The following RAB27B variants were observed in gnomAD, a reference collection of about 807,000 sequenced individuals.
The protein encoded by RAB27B is ras-related protein Rab-27B.
Under a neutral mutation model 24.6 loss-of-function variants are expected in RAB27B, and 15 were observed. That is an observed-to-expected ratio of 0.61 (90% CI 0.41 to 0.94). The LOEUF (loss-of-function observed/expected upper bound fraction) is 0.94, where lower values mean the gene tolerates loss of function less well. Ranked by LOEUF, RAB27B falls within the 40% of genes least tolerant of loss-of-function variation. RAB27B has a pLI of 0.00. For synonymous variants in RAB27B, 105 were observed against 92.5 expected (o/e 1.14, Z -0.78); for missense variants, 261 against 266.8 (o/e 0.98, Z 0.15).
intron 2 of RAB27B, among the ~76,000 whole-genome samples, chr18:54,798,338 C>T (rs1206047140): frequency 1.3e-5 from 2 of 152,144 alleles, no homozygotes; most frequent in Admixed American, 6.5e-5. Flanking sequence ...TCATAGAGGG[C>T]GAGGGCTTGA....
chr18:54,847,515 T>C (rs1304615689), intron 1 of RAB27B, among the ~76,000 whole-genome samples: 1 of 152,228 alleles, frequency 6.6e-6, no homozygotes, highest in Non-Finnish European at 1.5e-5. Flanking sequence ...GTTAGAAGTG[T>C]TGTGTTAATT....
At chr18:54,726,027 G>A (rs1265114023) in intron 2 of RAB27B, among the ~76,000 whole-genome samples, 1 of 151,496 alleles carries the variant, frequency 6.6e-6, no homozygotes, top group Non-Finnish European at 1.5e-5. Flanking sequence ...ACCTGCAGAT[G>A]TCCTGAAAGT....
intron 3 of RAB27B, chr18:54,879,771 C>A: frequency 4.3e-6 from 1 of 232,696 alleles, no homozygotes; most frequent in East Asian, 8.9e-5. Context: ...AAATTAACGC[C>A]GTTATAAGTG....
In RAB27B at chr18:54,813,136, G is replaced by A. The variant is rs1029215553; in HGVS notation, c.-19-64431G>A. Among the ~76,000 whole-genome samples the A allele has an allele frequency of 9.2e-5, 14 of 152,206 alleles. 1 individual carries two copies. The highest frequency in any genetic ancestry group is 4.1e-4 in the South Asian group (2 of 4,820). On this transcript the variant is annotated intron_variant, in intron 2 of 4. Coordinates refer to the RAB27B transcript ENST00000586570. ...TGCTGTGGCTGGAGAATACCCCAGC[G>A]CTGAAGGGGTTTTCTTTACTCTTTT...
chr18:54,853,626 C>T (rs142661385), intron 1 of RAB27B, among the ~76,000 whole-genome samples: 2 of 152,206 alleles, frequency 1.3e-5, no homozygotes, highest in Non-Finnish European at 2.9e-5. Flanking sequence ...TCCTATTAAT[C>T]GGTATGAAGT....
chr18:54,879,747 T>G, intron 3 of RAB27B: 1 of 270,654 alleles, frequency 3.7e-6, no homozygotes, highest in South Asian at 7.4e-5. Flanking sequence ...AGAATTTAAT[T>G]GAATGAAGAT....
At chr18:54,720,608 C>A (rs1175905599) in intron 2 of RAB27B, among the ~76,000 whole-genome samples, 2 of 151,972 alleles carry the variant, frequency 1.3e-5, no homozygotes, top group Admixed American at 1.3e-4. Context: ...GAAGTATCAG[C>A]AAAATTATTC....
At chr18:54,865,517 G>T (rs1912182593) in intron 1 of RAB27B, among the ~76,000 whole-genome samples, 1 of 152,124 alleles carries the variant, frequency 6.6e-6, no homozygotes, top group Non-Finnish European at 1.5e-5. Context: ...AACCATAAAA[G>T]AGTTATTCTT....
chr18:54,825,143 A>G (rs1002253027), upstream of RAB27B, among the ~76,000 whole-genome samples: 35 of 152,218 alleles, frequency 2.3e-4, no homozygotes, highest in Non-Finnish European at 1.9e-4. Context: ...AAGGCATTCA[A>G]AGAAACTTCT....
At chr18:54,888,288 A>C in intron 5 of RAB27B, 170 bp downstream of exon 5, 1 of 642,852 alleles carries the variant, frequency 1.6e-6, no homozygotes, top group Non-Finnish European at 2.4e-6. Flanking sequence ...ACTTAATAAT[A>C]AGAGCACCTA....
At chr18:54,857,864 C>A (rs144622573) in intron 1 of RAB27B, among the ~76,000 whole-genome samples, 219 of 152,260 alleles carry the variant, frequency 1.4e-3, no homozygotes, top group African/African-American at 4.8e-3. Context: ...CCTATTTTAT[C>A]CTATTTAGAT....
At chr18:54,875,701 AACAT>A (rs1912668379) in intron 1 of RAB27B, among the ~76,000 whole-genome samples, 1 of 152,196 alleles carries the variant, frequency 6.6e-6, no homozygotes, top group African/African-American at 2.4e-5. Context: ...TCATGAAAGA[AACAT>A]ACATTCATAA....
At chr18:54,773,600 G>T (rs2145075443) in intron 2 of RAB27B, among the ~76,000 whole-genome samples, 2 of 152,190 alleles carry the variant, frequency 1.3e-5, no homozygotes, top group Middle Eastern at 3.4e-3. Context: ...ACACGAATAA[G>T]AAGGATTCTT....
At position 54,888,115 on chromosome 18, in the gene RAB27B, A is replaced by G. The variant is rs751198891; in HGVS notation, c.464A>G (p.Tyr155Cys). 1.2e-6 allele frequency: 2 copies of G among 1,612,752 alleles called. No homozygotes were observed. The highest frequency in any genetic ancestry group is 4.5e-5 in the East Asian group (2 of 44,850). Residue 155 changes from tyrosine (Y) to cysteine (C), a missense_variant, in exon 5 of 6, where the codon TAT (tyrosine) becomes TGT (cysteine). Coordinates refer to ENST00000262094, the MANE Select transcript of RAB27B (RefSeq NM_004163.4). ...ERQARELADK[Y>C]GIPYFETSAA... The stretch of plus-strand genomic sequence containing the variant: ...CAAGCTCGGGAACTGGCTGACAAAT[A>G]TGGGTAAGTCAGTTACACTGAGATG...
At chr18:54,851,468 T>C (rs1232006365) in intron 1 of RAB27B, among the ~76,000 whole-genome samples, 2 of 152,134 alleles carry the variant, frequency 1.3e-5, no homozygotes, top group Non-Finnish European at 2.9e-5. Context: ...TCTTTTCCCT[T>C]TTTTTGCACA....
At chr18:54,885,397 T>C (rs1000701396) in intron 4 of RAB27B, among the ~76,000 whole-genome samples, 2 of 152,170 alleles carry the variant, frequency 1.3e-5, no homozygotes, top group African/African-American at 4.8e-5. Context: ...ACAAGGTCAC[T>C]GTGATGATGT....
At chr18:54,864,404 T>C (rs902041489) in intron 1 of RAB27B, among the ~76,000 whole-genome samples, 9 of 152,228 alleles carry the variant, frequency 5.9e-5, no homozygotes, top group African/African-American at 2.2e-4. Context: ...TATAAGTTCC[T>C]TATCAGATAT....
chr18:54,795,232 G>T (rs1380585276), intron 2 of RAB27B, among the ~76,000 whole-genome samples: 2 of 151,850 alleles, frequency 1.3e-5, no homozygotes, highest in African/African-American at 4.8e-5. Flanking sequence ...AGACTAGGAA[G>T]TAGCTGTGCT....
At chr18:54,840,138 G>T (rs186421891) in intron 1 of RAB27B, among the ~76,000 whole-genome samples, 1 of 152,156 alleles carries the variant, frequency 6.6e-6, no homozygotes, top group Non-Finnish European at 1.5e-5. Flanking sequence ...ATGAAGGTAA[G>T]ATTGTCTTCT....
Sources: allele counts gnomAD v4.1 joint callset (sites outside exome capture counted in the v4.1 genomes callset), GRCh38; gene constraint gnomAD v4.1.1; transcripts MANE v1.5; gene names NCBI Gene and HGNC (gene_info 2026-07-23, HGNC 2026-07-21).